Variants in SVOPL observed in about 807,000 individuals in gnomAD.
SVOPL encodes SVOP like, also known as putative transporter SVOPL.
In SVOPL, 60 loss-of-function variants were observed where a neutral mutation model predicts 61.0. That is an observed-to-expected ratio of 0.98 (90% confidence interval 0.80 to 1.22). The LOEUF (loss-of-function observed/expected upper bound fraction) is 1.22, where lower values mean the gene tolerates loss of function less well. Among genes scored for constraint, SVOPL ranks in the 50% most tolerant of loss-of-function variants. The pLI is 0.00. For synonymous variants in SVOPL, 279 were observed against 250.0 expected, an observed-to-expected ratio of 1.12 and a Z score of -1.09; for missense variants, 662 against 643.9, an observed-to-expected ratio of 1.03 and a Z score of -0.30.
intron 13 of SVOPL, among the ~76,000 whole-genome samples, chr7:138,622,134 CTATG>C (rs1563096350): frequency 5.9e-4 from 43 of 72,472 alleles, no homozygotes; most frequent in Admixed American, 1.2e-3. Flanking sequence ...ATCTATCTAT[CTATG>C]TATCTATCTA....
intron 14 of SVOPL, chr7:138,597,112 G>A: frequency 7.9e-7 from 1 of 1,271,532 alleles, no homozygotes; most frequent in South Asian, 1.3e-5. Flanking sequence ...GCTTTGGCCT[G>A]GATCTTTTCA....
intron 3 of SVOPL, among the ~76,000 whole-genome samples, chr7:138,675,728 C>T (rs1203905224): frequency 6.6e-6 from 1 of 152,104 alleles, no homozygotes; most frequent in African/African-American, 2.4e-5. Flanking sequence ...TCACTTACCT[C>T]CCTCCTATGT....
intron 4 of SVOPL, chr7:138,663,432 T>C: frequency 7.9e-7 from 1 of 1,265,054 alleles, no homozygotes; most frequent in Middle Eastern, 3.1e-4. Context: ...TCTATTCAGA[T>C]GTGTACTTGT....
intron 6 of SVOPL, 141 bp from the exon 7 acceptor site, chr7:138,656,652 G>T: frequency 1.2e-6 from 1 of 834,842 alleles, no homozygotes; most frequent in Non-Finnish European, 1.9e-6. Flanking sequence ...AATTATGACA[G>T]CTAATATCCA....
intron 5 of SVOPL, 161 bp from the exon 6 acceptor site, chr7:138,660,149 C>T (rs890890957): frequency 4.9e-6 from 7 of 1,419,116 alleles, no homozygotes; most frequent in Middle Eastern, 1.9e-4. Context: ...TCCAACAATA[C>T]AATCCATGCC....
chr7:138,643,750 G>A (rs567176480), intron 9 of SVOPL, among the ~76,000 whole-genome samples: 1 of 151,814 alleles, frequency 6.6e-6, no homozygotes, highest in Admixed American at 6.6e-5. Context: ...TTTAGAGGGT[G>A]GGGGAGGGGG....
At position 138,674,214 on chromosome 7, in the gene SVOPL, C is replaced by CACACACAT. The variant is rs554204024; in HGVS notation, c.175-2098_175-2097insATGTGTGT. Among the ~76,000 whole-genome samples the CACACACAT allele has an allele frequency of 2.4e-3, 368 of 150,368 alleles. 6 individuals are homozygous for CACACACAT. Among genetic ancestry groups the CACACACAT allele is most frequent in the Admixed American group, 8.5e-3 (129 of 15,126 alleles). ...CAGAAAACACATACACACACACACACACACATACACAGAAGACCAGGACTT... is the reference window on the plus strand; with the variant it reads ...CAGAAAACACATACACACACACACACACACACATACACATACACAGAAGACCAGGACTT... On this transcript the variant is annotated intron_variant, in intron 3 of 15. Coordinates refer to ENST00000674285, the MANE Select transcript of SVOPL (RefSeq NM_001139456.2).
At chr7:138,599,141 CAAA>C (rs71520007) in intron 14 of SVOPL, among the ~76,000 whole-genome samples, 2 of 28,176 alleles carry the variant, frequency 7.1e-5, no homozygotes, top group Non-Finnish European at 1.2e-4. Flanking sequence ...GATCCGTCTC[CAAA>C]AAAAAAAAAA....
chr7:138,614,636 TCCACCCACCTCAG>T (rs200391368), intron 14 of SVOPL, among the ~76,000 whole-genome samples: 8,542 of 152,138 alleles, frequency 0.056, 257 homozygotes, highest in Middle Eastern at 0.11. Flanking sequence ...CCTCAAATGA[TCCACCCACCTCAG>T]CCTCCCAAAG....
At chr7:138,647,868 T>C (rs6467786) in intron 8 of SVOPL, among the ~76,000 whole-genome samples, 4 of 94,286 alleles carry the variant, frequency 4.2e-5, no homozygotes, top group Non-Finnish European at 7.4e-5. Flanking sequence ...AAAAAAAAAA[T>C]AGTCACATGC....
At chr7:138,641,756 T>C (rs895327115) in intron 9 of SVOPL, among the ~76,000 whole-genome samples, 1 of 146,654 alleles carries the variant, frequency 6.8e-6, no homozygotes, top group Non-Finnish European at 1.5e-5. Context: ...AGTCATTGTC[T>C]TTTTGAAAAA....
At chr7:138,673,127 C>A (rs1163691522) in intron 3 of SVOPL, among the ~76,000 whole-genome samples, 1 of 151,652 alleles carries the variant, frequency 6.6e-6, no homozygotes, top group African/African-American at 2.4e-5. Context: ...GGCACATGTT[C>A]TGTCGATAAC....
intron 12 of SVOPL, 36 bp from the exon 13 acceptor site, chr7:138,626,086 C>T: frequency 6.2e-7 from 1 of 1,607,682 alleles, no homozygotes; most frequent in Non-Finnish European, 8.5e-7. Context: ...TTATAAAAGG[C>T]AGCATGGAGG....
rs35924408 is a variant in SVOPL, at chr7:138,672,656, T to TTA, written c.175-540_175-539insTA. Among the ~76,000 whole-genome samples, 195 of 118,824 alleles carry TTA rather than the reference T, an allele frequency of 1.6e-3. 3 individuals carry two copies. The highest frequency in any genetic ancestry group is 6.4e-3 in the African/African-American group (191 of 30,036). 78.0% of individuals were successfully genotyped at this position (118,824 alleles called of 152,430 possible). ...GCAGGAAAGTGTTTTTTTTTGTGTT[T>TTA]AAAAAAAAAAAAAAAAAAAGAAGCA... On this transcript the variant is annotated intron_variant, in intron 3 of 15. Transcript: ENST00000674285.
chr7:138,621,477 C>T (rs932635975), intron 13 of SVOPL, among the ~76,000 whole-genome samples: 10 of 152,172 alleles, frequency 6.6e-5, no homozygotes, highest in Middle Eastern at 3.2e-3. Flanking sequence ...TTCTACTGAA[C>T]GGGAAGAAAA....
At chr7:138,653,615 G>A (rs562471796) in intron 7 of SVOPL, among the ~76,000 whole-genome samples, 2 of 151,896 alleles carry the variant, frequency 1.3e-5, no homozygotes, top group African/African-American at 4.8e-5. Context: ...CAGCCTGGTC[G>A]ACATGGCAAA....
At chr7:138,633,302 C>T (rs1041023303) in intron 9 of SVOPL, among the ~76,000 whole-genome samples, 1 of 152,122 alleles carries the variant, frequency 6.6e-6, no homozygotes, top group Admixed American at 6.6e-5. Flanking sequence ...TCCCCAGTGT[C>T]GGGGGTGGAG....
intron 14 of SVOPL, among the ~76,000 whole-genome samples, chr7:138,612,656 C>T (rs1412750644): frequency 6.6e-6 from 1 of 151,924 alleles, no homozygotes; most frequent in African/African-American, 2.4e-5. Context: ...GCTGGGATTA[C>T]AGGTGCCTGC....
intron 1 of SVOPL, chr7:138,688,916 T>C (rs1802878621): frequency 2.1e-6 from 1 of 477,116 alleles, no homozygotes; most frequent in Non-Finnish European, 3.9e-6. Context: ...TCATTGCAGA[T>C]GTAATTCGTT....
Sources: gnomAD v4.1 joint callset for allele counts (sites outside exome capture counted in the v4.1 genomes callset) on GRCh38, gnomAD v4.1.1 for gene constraint, MANE v1.5 for transcripts, NCBI Gene and HGNC (gene_info 2026-07-23, HGNC 2026-07-21) for gene names.